The following SERPINB11 variants were observed in gnomAD, a reference collection of about 807,000 sequenced individuals.
The protein encoded by SERPINB11 is serpin family B member 11.
A neutral mutation model predicts 36.7 loss-of-function variants in SERPINB11; 32 were observed. The ratio of observed to expected loss-of-function variants is 0.87; its 90% confidence interval spans 0.66 to 1.17. The LOEUF is 1.17. Ranked by LOEUF, SERPINB11 falls within the 50% of genes most tolerant of loss-of-function variation. The pLI, the probability that SERPINB11 is intolerant of heterozygous loss-of-function variation, is 0.00. For synonymous variants in SERPINB11, 174 were observed against 168.1 expected (o/e 1.04, Z -0.27); for missense variants, 528 against 458.4 (o/e 1.15, Z -1.39).
intron 3 of SERPINB11, 118 bp downstream of exon 3, chr18:63,711,512 TC>T: frequency 1.4e-6 from 1 of 721,580 alleles, no homozygotes; most frequent in East Asian, 2.5e-5. Context: ...CAGCTATGTG[TC>T]CCCCTTTAAC....
At chr18:63,718,965 A>T (rs952075969) in intron 5 of SERPINB11, among the ~76,000 whole-genome samples, 3 of 152,034 alleles carry the variant, frequency 2.0e-5, no homozygotes, top group Admixed American at 2.0e-4. Flanking sequence ...ATCTGTATTG[A>T]GAGTCTGAGG....
At chr18:63,720,741 A>C in intron 6 of SERPINB11, 90 bp from the exon 7 acceptor site, 2 of 902,238 alleles carry the variant, frequency 2.2e-6, no homozygotes, top group Non-Finnish European at 3.4e-6. Context: ...TAGAGTGTTC[A>C]TGCAGATATC....
At position 63,706,015 on chromosome 18, in the gene SERPINB11, AT is replaced by A. The variant is rs201735330; in HGVS notation, c.-16+3013del. Among the ~76,000 whole-genome samples the A allele has an allele frequency of 1.1e-4, 16 of 152,338 alleles. No homozygotes were observed. In the East Asian group the frequency reaches 3.1e-3, roughly 29 times the overall value. ...CATCCTGTCAAAGGTACAGAATTGT[AT>A]TTTAGCAAAATAAGATGAGTAAAAC... On this transcript the variant is annotated intron_variant, in intron 1 of 7. Transcript: ENST00000544088.
At chr18:63,706,524 A>G (rs1332055355) in intron 1 of SERPINB11, among the ~76,000 whole-genome samples, 3 of 152,186 alleles carry the variant, frequency 2.0e-5, no homozygotes, top group Non-Finnish European at 4.4e-5. Flanking sequence ...GCAAAGCTGT[A>G]ATCTAGAAGA....
intron 1 of SERPINB11, among the ~76,000 whole-genome samples, chr18:63,707,022 C>G (rs1010548307): frequency 2.0e-5 from 3 of 152,158 alleles, no homozygotes; most frequent in African/African-American, 7.2e-5. Context: ...TTCCAGCAAC[C>G]TCTCCTGTCT....
intron 4 of SERPINB11, 145 bp from the exon 5 acceptor site, chr18:63,715,890 T>C: frequency 1.9e-6 from 1 of 524,484 alleles, no homozygotes; most frequent in Non-Finnish European, 3.4e-6. Context: ...TAAAAATAAG[T>C]ACATATGGAT....
chr18:63,721,197 T>C (rs1016024147), intron 7 of SERPINB11, among the ~76,000 whole-genome samples: 1 of 152,202 alleles, frequency 6.6e-6, no homozygotes, highest in African/African-American at 2.4e-5. Flanking sequence ...AAGCTATTCT[T>C]ACATGAGAAA....
intron 1 of SERPINB11, among the ~76,000 whole-genome samples, chr18:63,708,587 A>G (rs919611149): frequency 6.6e-6 from 1 of 152,218 alleles, no homozygotes; most frequent in African/African-American, 2.4e-5. Context: ...GAGGTAAAGA[A>G]GGCTGTGAGG....
At chr18:63,714,213 A>AT (rs1914604618) in intron 4 of SERPINB11, among the ~76,000 whole-genome samples, 1 of 152,128 alleles carries the variant, frequency 6.6e-6, no homozygotes, top group Non-Finnish European at 1.5e-5. Flanking sequence ...AAAACCAGCA[A>AT]TTTTTTATTA....
At chr18:63,715,086 A>G (rs1914633599) in intron 4 of SERPINB11, among the ~76,000 whole-genome samples, 1 of 152,156 alleles carries the variant, frequency 6.6e-6, no homozygotes, top group Non-Finnish European at 1.5e-5. Flanking sequence ...GGGGTCCCTG[A>G]CTTCCCCCAA....
chr18:63,703,295 A>G (rs1255552165), intron 1 of SERPINB11, among the ~76,000 whole-genome samples: 1 of 152,216 alleles, frequency 6.6e-6, no homozygotes, highest in Non-Finnish European at 1.5e-5. Flanking sequence ...ACTAATCTTC[A>G]TTCAAAACAC....
intron 5 of SERPINB11, among the ~76,000 whole-genome samples, chr18:63,716,830 T>C (rs1419382940): frequency 2.0e-5 from 3 of 152,064 alleles, no homozygotes; most frequent in African/African-American, 7.2e-5. Flanking sequence ...CCAAATAACA[T>C]TGACATATCA....
rs747678047 is a variant in SERPINB11, at chr18:63,720,865, T to C, written c.653T>C (p.Ile218Thr). 25 of 1,567,196 alleles carry C rather than the reference T, an allele frequency of 1.6e-5. No homozygotes were observed. Among genetic ancestry groups the C allele is most frequent in the African/African-American group, 2.7e-5 (2 of 73,910 alleles). The change falls in exon 7 of 8, where the codon ATT becomes ACT. Residue 218 changes from isoleucine to threonine, a missense_variant. Transcript: ENST00000544088. ...GTAACTGTGGAAATGATGTATCAAA[T>C]TGGAACATTTAAACTGGCCTTTGTA... ...KNVTVEMMYQIGTFKLAFVKE... is the reference protein window; with the variant it reads ...KNVTVEMMYQTGTFKLAFVKE...
At chr18:63,719,819 G>A (rs1914757039) in intron 5 of SERPINB11, among the ~76,000 whole-genome samples, 194 bp from the exon 6 acceptor site, 1 of 152,008 alleles carries the variant, frequency 6.6e-6, no homozygotes, top group African/African-American at 2.4e-5. Flanking sequence ...AAATAATAAA[G>A]CATTAAATAT....
intron 1 of SERPINB11, among the ~76,000 whole-genome samples, chr18:63,704,190 A>G (rs544084558): frequency 6.6e-6 from 1 of 152,356 alleles, no homozygotes; most frequent in African/African-American, 2.4e-5. Context: ...GTGAATGTGG[A>G]AGACACTGAC....
chr18:63,723,514 T>C lies in SERPINB11; in HGVS notation c.*115T>C. 1 of 932,806 alleles carries C rather than the reference T, an allele frequency of 1.1e-6. No homozygotes were observed. Among genetic ancestry groups the C allele is most frequent in the Non-Finnish European group, 1.6e-6 (1 of 620,078 alleles). 57.8% of individuals were successfully genotyped at this position (932,806 alleles called of 1,614,324 possible). ...CACACACCTCTGTGCCTCAGTTTGC[T>C]CATCTGCAAAATAGGTCTAGGATTT... On this transcript the variant is annotated 3_prime_UTR_variant, in exon 8 of 8. Transcript: ENST00000544088.
intron 4 of SERPINB11, 66 bp from the exon 5 acceptor site, chr18:63,715,969 A>T: frequency 3.2e-6 from 3 of 942,094 alleles, no homozygotes; most frequent in South Asian, 3.1e-5. Flanking sequence ...GAATACATTG[A>T]GCTGTAGATT....
Position 63,716,171 on chromosome 18 carries a change from G to GC in SERPINB11, c.475+19_475+20insC. The GC allele has an allele frequency of 6.8e-7, 1 of 1,473,302 alleles. No individual in the cohort carries two copies. The highest frequency in any genetic ancestry group is 9.4e-7 in the Non-Finnish European group (1 of 1,062,858). The allele number at this position is 1,473,302 out of a possible 1,614,324, so 91.3% of individuals were successfully genotyped here. A position where few individuals can be genotyped will look rare whatever the true frequency, so the allele number is the denominator to read the frequency against. Reference sequence around the variant, plus strand: ...ACTAATGGTAAGGATAAGTCAATATGTGTCTCTAAACTCTGTGTTGTGTTG... The same window carrying GC: ...ACTAATGGTAAGGATAAGTCAATATGCTGTCTCTAAACTCTGTGTTGTGTTG... On this transcript the variant is annotated intron_variant, in intron 5 of 7. Coordinates refer to ENST00000544088, the MANE Select transcript of SERPINB11 (RefSeq NM_001370475.1).
At chr18:63,709,838 T>C (rs1054172504) in intron 1 of SERPINB11, among the ~76,000 whole-genome samples, 2 of 152,082 alleles carry the variant, frequency 1.3e-5, no homozygotes, top group African/African-American at 4.8e-5. Flanking sequence ...GGATGAGGAA[T>C]GTCTTAAAGC....
Sources: gnomAD v4.1 joint callset for allele counts (sites outside exome capture counted in the v4.1 genomes callset) on GRCh38, gnomAD v4.1.1 for gene constraint, MANE v1.5 for transcripts, NCBI Gene and HGNC (gene_info 2026-07-23, HGNC 2026-07-21) for gene names.